The following RETREG1 variants were observed in gnomAD, a reference collection of about 807,000 sequenced individuals.
RETREG1 encodes the protein reticulophagy regulator 1.
In RETREG1, 44 loss-of-function variants were observed where a neutral mutation model predicts 54.8. The ratio of observed to expected loss-of-function variants is 0.80; its 90% CI spans 0.63 to 1.03. The LOEUF is 1.03. Among genes scored for constraint, RETREG1 ranks in the 50% least tolerant of loss-of-function variants. The pLI, the probability that RETREG1 is intolerant of heterozygous loss-of-function variation, is 0.00. For missense variants in RETREG1, 554 were observed against 605.1 expected, an observed-to-expected ratio of 0.92 and a Z score of 0.89; for synonymous variants, 217 against 238.5, an observed-to-expected ratio of 0.91 and a Z score of 0.83.
intron 8 of RETREG1, among the ~76,000 whole-genome samples, chr5:16,476,991 G>A (rs1738564689): frequency 2.0e-5 from 3 of 152,220 alleles, no homozygotes; most frequent in Admixed American, 2.0e-4. Flanking sequence ...TTGGACTCAG[G>A]GAACTTGACG....
At chr5:16,608,850 C>T (rs1034511839) in intron 1 of RETREG1, among the ~76,000 whole-genome samples, 1 of 152,280 alleles carries the variant, frequency 6.6e-6, no homozygotes, top group East Asian at 1.9e-4. Flanking sequence ...ATAATTTTTT[C>T]ACTCTGTGCT....
intron 3 of RETREG1, among the ~76,000 whole-genome samples, chr5:16,488,432 C>T (rs1739102181): frequency 6.6e-6 from 1 of 152,214 alleles, no homozygotes; most frequent in Admixed American, 6.5e-5. Flanking sequence ...GTTGAGGAGA[C>T]ATTGCTGAGG....
chr5:16,608,025 G>A lies in RETREG1; in HGVS notation c.320+8627C>T, dbSNP rs912625971. On this transcript the variant is annotated intron_variant, in intron 1 of 8. Transcript: ENST00000306320. ...CTCCCAAGTAACTGGGATTACAGGCGCATGCCACCATGCCCAGCTAATTTT... is the reference window on the plus strand; with the variant it reads ...CTCCCAAGTAACTGGGATTACAGGCACATGCCACCATGCCCAGCTAATTTT... Among the ~76,000 whole-genome samples the A allele has an allele frequency of 3.9e-5, 6 of 151,976 alleles. No individual in the cohort carries two copies. The East Asian group carries it at 5.8e-4, about 15-fold the overall frequency.
At chr5:16,537,143 C>T (rs535744885) in intron 3 of RETREG1, among the ~76,000 whole-genome samples, 1 of 152,338 alleles carries the variant, frequency 6.6e-6, no homozygotes, top group East Asian at 1.9e-4. Flanking sequence ...TGACCAAGGG[C>T]CAGGCCCTGC....
intron 3 of RETREG1, among the ~76,000 whole-genome samples, chr5:16,502,936 A>T (rs1427231280): frequency 1.3e-5 from 2 of 152,238 alleles, no homozygotes; most frequent in Non-Finnish European, 2.9e-5. Context: ...AATAAGGGTA[A>T]GCCCACACAA....
chr5:16,577,213 T>C (rs967669086), intron 1 of RETREG1, among the ~76,000 whole-genome samples: 4 of 152,304 alleles, frequency 2.6e-5, no homozygotes, highest in South Asian at 2.1e-4. Context: ...TGTGATTTGG[T>C]TTAACATTTT....
At chr5:16,552,855 G>A (rs766524830) in intron 3 of RETREG1, among the ~76,000 whole-genome samples, 7 of 152,272 alleles carry the variant, frequency 4.6e-5, no homozygotes, top group African/African-American at 9.6e-5. Context: ...GGAGCCACAC[G>A]GCTGGGTTCT....
intron 3 of RETREG1, among the ~76,000 whole-genome samples, chr5:16,552,409 G>C (rs1326290716): frequency 6.6e-6 from 1 of 152,152 alleles, no homozygotes; most frequent in Non-Finnish European, 1.5e-5. Context: ...AAGGAGGGAA[G>C]GAAAGACTTT....
At position 16,586,858 on chromosome 5, in the gene RETREG1, G is replaced by T. The variant is rs55686843; in HGVS notation, c.321-14756C>A. On this transcript the variant is annotated intron_variant, in intron 1 of 8. Transcript: ENST00000306320. ...TGGTGGCTGGGAAGTCCAACACTAA[G>T]GCCTTAGCAGATTCAGTGTCTGGTG... is the stretch of plus-strand genomic sequence containing the variant. 5.3e-5 allele frequency among the ~76,000 whole-genome samples: 8 copies of T among 152,266 alleles called. No homozygotes were observed. The East Asian group carries it at 9.7e-4, about 18-fold the overall frequency.
At chr5:16,555,856 C>T (rs1741690559) in intron 3 of RETREG1, among the ~76,000 whole-genome samples, 1 of 152,148 alleles carries the variant, frequency 6.6e-6, no homozygotes, top group Non-Finnish European at 1.5e-5. Context: ...ATAACTGCAA[C>T]ACAGCATAGG....
chr5:16,589,316 G>GTTTT, intron 1 of RETREG1, among the ~76,000 whole-genome samples: 1 of 141,856 alleles, frequency 7.0e-6, no homozygotes, highest in African/African-American at 2.6e-5. Flanking sequence ...AAACTTGAGT[G>GTTTT]TTTTTTTTTT....
chr5:16,592,624 C>A (rs1411299017), intron 1 of RETREG1, among the ~76,000 whole-genome samples: 2 of 151,938 alleles, frequency 1.3e-5, no homozygotes, highest in African/African-American at 4.8e-5. Flanking sequence ...GCAGCACTCA[C>A]AATAGCAAAG....
intron 3 of RETREG1, among the ~76,000 whole-genome samples, chr5:16,553,885 C>A (rs1741614130): frequency 6.6e-6 from 1 of 152,102 alleles, no homozygotes; most frequent in Non-Finnish European, 1.5e-5. Flanking sequence ...ACTGACAGAA[C>A]CCAGGGATAG....
chr5:16,512,579 C>T lies in RETREG1; in HGVS notation c.459-29107G>A, dbSNP rs111443306. ...TTTCCCCTTCACATAACCATCAGTC[C>T]GAGTTTTTTTTTTTCTATCTCCTCT... On this transcript the variant is annotated intron_variant, in intron 3 of 8. Coordinates refer to ENST00000306320, the MANE Select transcript of RETREG1 (RefSeq NM_001034850.3). Among the ~76,000 whole-genome samples, 939 of 151,612 alleles carry T rather than the reference C, an allele frequency of 6.2e-3. 12 individuals carry two copies. Among genetic ancestry groups the T allele is most frequent in the African/African-American group, 0.022 (885 of 41,160 alleles).
At chr5:16,549,388 G>C (rs932182556) in intron 3 of RETREG1, among the ~76,000 whole-genome samples, 1 of 152,018 alleles carries the variant, frequency 6.6e-6, no homozygotes, top group Non-Finnish European at 1.5e-5. Context: ...AAGTAGAAAT[G>C]GTCCATCTCA....
intron 1 of RETREG1, among the ~76,000 whole-genome samples, chr5:16,572,924 C>T (rs1002740281): frequency 3.3e-5 from 5 of 152,102 alleles, no homozygotes; most frequent in Admixed American, 6.6e-5. Context: ...GTGGCTCACA[C>T]CTGTAATCCC....
Position 16,597,253 on chromosome 5 carries a change from G to A in RETREG1, c.320+19399C>T, listed in dbSNP as rs758724963. On this transcript the variant is annotated intron_variant, in intron 1 of 8. Coordinates refer to ENST00000306320, the MANE Select transcript of RETREG1 (RefSeq NM_001034850.3). The surrounding 1 kb of genome is among the most constrained non-coding windows in gnomAD (Gnocchi z 4.3). ...CAGTGTCATTGTGAATATTAGTAAC[G>A]ACACCTACCTCCTCCAACAGTTGTT... Among the ~76,000 whole-genome samples the A allele has an allele frequency of 6.6e-6, 1 of 152,164 alleles. No individual in the cohort carries two copies. Among genetic ancestry groups the A allele is most frequent in the Non-Finnish European group, 1.5e-5 (1 of 68,022 alleles).
chr5:16,614,273 CA>C (rs1743431446), intron 1 of RETREG1, among the ~76,000 whole-genome samples: 1 of 152,008 alleles, frequency 6.6e-6, no homozygotes, highest in Non-Finnish European at 1.5e-5. Flanking sequence ...ACTCATGTTA[CA>C]GAAATTAGGC....
chr5:16,504,893 T>G (rs569221331), intron 3 of RETREG1, among the ~76,000 whole-genome samples: 7 of 152,306 alleles, frequency 4.6e-5, no homozygotes, highest in African/African-American at 1.4e-4. Context: ...ACCCGATTTT[T>G]TAAAGAAATG....
Sources: gnomAD v4.1 joint callset for allele counts (sites outside exome capture counted in the v4.1 genomes callset) on GRCh38, gnomAD v4.1.1 for gene constraint, Gnocchi (gnomAD v3.1) non-coding constraint, MANE v1.5 for transcripts, NCBI Gene and HGNC (gene_info 2026-07-23, HGNC 2026-07-21) for gene names.